Variants in CCSER1 observed in about 807,000 individuals in gnomAD.
CCSER1 encodes the protein coiled-coil serine rich protein 1, also known as serine-rich coiled-coil domain-containing protein 1.
Under a neutral mutation model 82.0 loss-of-function variants are expected in CCSER1, and 41 were observed. The observed-to-expected ratio is 0.50, with a 90% CI of 0.39 to 0.65. The LOEUF is 0.65. CCSER1 is among the 30% of genes least tolerant of loss of function. The probability of loss-of-function intolerance (pLI) is 0.00; values close to 1 mark genes in which losing one functional copy is unlikely to be tolerated. For synonymous variants in CCSER1, 414 were observed against 383.9 expected (o/e 1.08, Z -0.92); for missense variants, 1,119 against 1,064.2 (o/e 1.05, Z -0.72).
chr4:90,800,527 A>C (rs1423370792), intron 7 of CCSER1, among the ~76,000 whole-genome samples: 2 of 152,188 alleles, frequency 1.3e-5, no homozygotes, highest in African/African-American at 4.8e-5. Flanking sequence ...GGGAAACAAA[A>C]ATGCTGGAAT....
intron 8 of CCSER1, among the ~76,000 whole-genome samples, chr4:90,898,767 C>CT (rs368310110): frequency 5.3e-5 from 8 of 151,820 alleles, no homozygotes; most frequent in African/African-American, 1.9e-4. Context: ...AGATGTGTGG[C>CT]TTTTTTCTGG....
At chr4:90,975,939 T>G (rs2150409630) in intron 9 of CCSER1, among the ~76,000 whole-genome samples, 1 of 151,400 alleles carries the variant, frequency 6.6e-6, no homozygotes, top group South Asian at 2.1e-4. Flanking sequence ...AAAGAGACCT[T>G]TACTGGGAAT....
rs1330492719 is a variant in CCSER1 at position 91,404,480 on chromosome 4, G to A, written c.2218-194092G>A. On this transcript the variant is annotated intron_variant, in intron 10 of 10. Coordinates refer to ENST00000509176, the MANE Select transcript of CCSER1 (RefSeq NM_001145065.2). ...TCTTGCTTCTCTAGTTCTTTTAATT[G>A]TGATGTTAGGGTGTCAATTTTAGAT... Among the ~76,000 whole-genome samples the A allele has an allele frequency of 2.0e-5, 3 of 152,002 alleles. No individual in the cohort carries two copies. In the South Asian group the frequency reaches 6.2e-4, roughly 32 times the overall value.
At chr4:91,192,227 T>G (rs1735060768) in intron 10 of CCSER1, among the ~76,000 whole-genome samples, 1 of 152,138 alleles carries the variant, frequency 6.6e-6, no homozygotes, top group South Asian at 2.1e-4. Context: ...GCCTTTTAAT[T>G]GTGGTTGTTT....
chr4:90,146,923 A>G (rs7667087), intron 1 of CCSER1, among the ~76,000 whole-genome samples: 47,391 of 151,886 alleles, frequency 0.31, 8,681 homozygotes, highest in East Asian at 0.65. Flanking sequence ...TAATTAACAC[A>G]TAAGATTAAA....
chr4:90,868,274 C>T (rs921535391), intron 8 of CCSER1, among the ~76,000 whole-genome samples: 1 of 152,002 alleles, frequency 6.6e-6, no homozygotes, highest in African/African-American at 2.4e-5. Flanking sequence ...GTTATGTCAT[C>T]AAACACTTGG....
intron 8 of CCSER1, among the ~76,000 whole-genome samples, chr4:90,838,671 C>T (rs1380551132): frequency 6.6e-6 from 1 of 152,182 alleles, no homozygotes; most frequent in Admixed American, 6.5e-5. Context: ...TTCCACCCCA[C>T]TTCTTCCTTC....
intron 10 of CCSER1, among the ~76,000 whole-genome samples, chr4:91,171,362 G>A (rs1732735462): frequency 6.6e-6 from 1 of 152,108 alleles, no homozygotes; most frequent in Admixed American, 6.5e-5. Context: ...AACGATATCA[G>A]CAGACATCTG....
At chr4:91,519,662 T>C (rs1578680545) in intron 10 of CCSER1, among the ~76,000 whole-genome samples, 1 of 152,298 alleles carries the variant, frequency 6.6e-6, no homozygotes, top group African/African-American at 2.4e-5. Context: ...AAAGATCTAT[T>C]GAAGAAATGT....
At chr4:91,428,616 A>G (rs1339132409) in intron 10 of CCSER1, among the ~76,000 whole-genome samples, 2 of 152,006 alleles carry the variant, frequency 1.3e-5, no homozygotes, top group Non-Finnish European at 2.9e-5. Flanking sequence ...CAGATTTTTC[A>G]TCAGACTCTC....
intron 7 of CCSER1, among the ~76,000 whole-genome samples, chr4:90,793,690 T>C (rs1373550454): frequency 6.6e-6 from 1 of 152,210 alleles, no homozygotes; most frequent in Non-Finnish European, 1.5e-5. Flanking sequence ...TACCCAGGAA[T>C]GGGATTGCTG....
At chr4:91,067,480 G>A (rs889124302) in intron 9 of CCSER1, among the ~76,000 whole-genome samples, 27 of 151,884 alleles carry the variant, frequency 1.8e-4, no homozygotes, top group African/African-American at 6.5e-4. Flanking sequence ...TGAGTAGCTA[G>A]GACTACAGGC....
chr4:90,293,431 T>A (rs1352826318), intron 1 of CCSER1, among the ~76,000 whole-genome samples: 2 of 151,540 alleles, frequency 1.3e-5, no homozygotes, highest in East Asian at 3.9e-4. Context: ...TTTAATTTGT[T>A]AATATACTTT....
chr4:90,869,834 G>A (rs1766221140), intron 8 of CCSER1, among the ~76,000 whole-genome samples: 1 of 151,790 alleles, frequency 6.6e-6, no homozygotes, highest in Non-Finnish European at 1.5e-5. Flanking sequence ...TCTAATCCAT[G>A]GACATGGAAT....
chr4:90,588,412 T>G (rs1782280223), intron 5 of CCSER1, among the ~76,000 whole-genome samples: 1 of 152,190 alleles, frequency 6.6e-6, no homozygotes. Flanking sequence ...AGAAAACATT[T>G]TCCTTCTTCA....
intron 5 of CCSER1, among the ~76,000 whole-genome samples, chr4:90,517,468 A>C (rs1007120672): frequency 5.9e-5 from 9 of 152,240 alleles, no homozygotes; most frequent in African/African-American, 2.2e-4. Context: ...TGTTGGTGCC[A>C]CAAACTGCCA....
intron 4 of CCSER1, among the ~76,000 whole-genome samples, chr4:90,402,700 C>T (rs971654694): frequency 6.6e-6 from 1 of 152,134 alleles, no homozygotes; most frequent in Non-Finnish European, 1.5e-5. Flanking sequence ...TAGTCAACCA[C>T]AATGACGAGA....
At chr4:90,994,777 T>C (rs1737345728) in intron 9 of CCSER1, among the ~76,000 whole-genome samples, 1 of 152,172 alleles carries the variant, frequency 6.6e-6, no homozygotes, top group Non-Finnish European at 1.5e-5. Flanking sequence ...CCTTTTAGTG[T>C]GTTGTTTCTT....
chr4:91,201,002 A>G (rs1215803040), intron 10 of CCSER1, among the ~76,000 whole-genome samples: 1 of 152,042 alleles, frequency 6.6e-6, no homozygotes, highest in Non-Finnish European at 1.5e-5. Context: ...AAGTAGTATC[A>G]AGAACAATTT....
Sources: gnomAD v4.1 joint callset for allele counts (sites outside exome capture counted in the v4.1 genomes callset) on GRCh38, gnomAD v4.1.1 for gene constraint, MANE v1.5 for transcripts, NCBI Gene and HGNC (gene_info 2026-07-23, HGNC 2026-07-21) for gene names.